AGBL4: variants seen among roughly 807,000 people sequenced by gnomAD.
AGBL4 encodes the protein AGBL carboxypeptidase 4.
AGBL4 carries 58 observed loss-of-function variants against 66.4 expected under a neutral mutation model. That is an observed-to-expected ratio of 0.87 (90% CI 0.71 to 1.09). AGBL4 has a LOEUF of 1.09. AGBL4 is among the 50% of genes least tolerant of loss of function. The pLI is 0.00. For missense variants in AGBL4, 579 were observed against 631.0 expected (o/e 0.92, Z 0.88); for synonymous variants, 234 against 222.9 (o/e 1.05, Z -0.44).
chr1:49,489,117 T>C lies in AGBL4; in HGVS notation c.282+208196A>G, dbSNP rs576838788. Among the ~76,000 whole-genome samples the C allele has an allele frequency of 4.4e-4, 67 of 151,884 alleles. 1 individual carries two copies. The highest frequency in any genetic ancestry group is 4.6e-4 in the Non-Finnish European group (31 of 67,836). The stretch of plus-strand genomic sequence containing the variant: ...TTTTTGAGGAACTTCTAAGCTGTTC[T>C]CTATAGTGTGTACTAATTTACATTC... On this transcript the variant is annotated intron_variant, in intron 3 of 13. Transcript: ENST00000371839.
At chr1:48,868,535 C>T (rs1001040069) in intron 5 of AGBL4, among the ~76,000 whole-genome samples, 8 of 152,128 alleles carry the variant, frequency 5.3e-5, no homozygotes, top group African/African-American at 1.9e-4. Flanking sequence ...AGTTCTGATT[C>T]TGACTCTAGA....
chr1:49,103,074 T>A (rs1202623470), intron 4 of AGBL4, among the ~76,000 whole-genome samples: 1 of 152,222 alleles, frequency 6.6e-6, no homozygotes, highest in Non-Finnish European at 1.5e-5. Context: ...CATAAACCAC[T>A]TCCCTGGTAC....
intron 3 of AGBL4, among the ~76,000 whole-genome samples, chr1:49,679,683 T>G (rs548648901): frequency 1.3e-5 from 2 of 152,292 alleles, no homozygotes; most frequent in South Asian, 2.1e-4. Flanking sequence ...TGAACTTTTC[T>G]TCTTTTTAGA....
rs561400541 is a variant in AGBL4 at position 49,393,811 on chromosome 1, T to C, written c.283-147947A>G. Among the ~76,000 whole-genome samples, 10 of 152,310 alleles carry C rather than the reference T, an allele frequency of 6.6e-5. No homozygotes were observed. In the South Asian group the frequency reaches 1.7e-3, roughly 25 times the overall value. On this transcript the variant is annotated intron_variant, in intron 3 of 13. Transcript: ENST00000371839. ...AGTGCATTGTGATGTAGGGAGAAAG[T>C]TGATGTGGATACATCTATGACAGAG... is the stretch of plus-strand genomic sequence containing the variant.
chr1:49,129,394 T>C (rs888093658), intron 4 of AGBL4, among the ~76,000 whole-genome samples: 17 of 152,016 alleles, frequency 1.1e-4, no homozygotes, highest in African/African-American at 3.6e-4. Context: ...ACATGTGCCA[T>C]GCTGGTGTGC....
chr1:48,934,434 G>A (rs1309668736), intron 5 of AGBL4, among the ~76,000 whole-genome samples: 1 of 152,116 alleles, frequency 6.6e-6, no homozygotes, highest in Non-Finnish European at 1.5e-5. Flanking sequence ...GAAATTGGGA[G>A]GATATATTAC....
At chr1:49,733,843 T>C (rs1649651187) in intron 2 of AGBL4, among the ~76,000 whole-genome samples, 1 of 152,172 alleles carries the variant, frequency 6.6e-6, no homozygotes, top group Admixed American at 6.6e-5. Flanking sequence ...AACTAATAAC[T>C]AATATGCCTC....
intron 9 of AGBL4, among the ~76,000 whole-genome samples, chr1:48,628,344 G>A (rs1645538421): frequency 6.6e-6 from 1 of 152,102 alleles, no homozygotes; most frequent in Non-Finnish European, 1.5e-5. Context: ...TTGCTCCAGC[G>A]TTTTTGAGGA....
intron 5 of AGBL4, among the ~76,000 whole-genome samples, chr1:49,033,979 G>A (rs1664441377): frequency 6.6e-6 from 1 of 151,996 alleles, no homozygotes; most frequent in African/African-American, 2.4e-5. Flanking sequence ...TGATCTGGGA[G>A]CCAAAAGATT....
chr1:49,388,262 C>G (rs1049160500), intron 3 of AGBL4, among the ~76,000 whole-genome samples: 1 of 151,840 alleles, frequency 6.6e-6, no homozygotes, highest in Non-Finnish European at 1.5e-5. Flanking sequence ...GCTTATAGGC[C>G]ATAGAGTGTC....
At chr1:48,988,614 G>C (rs1660364295) in intron 5 of AGBL4, among the ~76,000 whole-genome samples, 1 of 152,168 alleles carries the variant, frequency 6.6e-6, no homozygotes, top group African/African-American at 2.4e-5. Flanking sequence ...CTACCAACCT[G>C]TTGGTCAATA....
At chr1:49,993,730 A>T (rs952018623) in intron 1 of AGBL4, among the ~76,000 whole-genome samples, 1 of 152,172 alleles carries the variant, frequency 6.6e-6, no homozygotes, top group South Asian at 2.1e-4. Context: ...CTTACATGAG[A>T]CCAGCAGTAA....
At chr1:49,111,525 T>C (rs946174686) in intron 4 of AGBL4, among the ~76,000 whole-genome samples, 2 of 152,352 alleles carry the variant, frequency 1.3e-5, no homozygotes, top group East Asian at 1.9e-4. Context: ...AAATATTCAA[T>C]CTTCAGATTA....
chr1:48,721,697 C>T (rs1479398144), intron 6 of AGBL4, among the ~76,000 whole-genome samples: 1 of 152,174 alleles, frequency 6.6e-6, no homozygotes, highest in African/African-American at 2.4e-5. Context: ...TAGGCAGTGG[C>T]CAAGGCCTGG....
Position 49,653,694 on chromosome 1 carries a change from C to G in AGBL4, c.282+43619G>C, listed in dbSNP as rs533951983. 1.4e-4 allele frequency among the ~76,000 whole-genome samples: 21 copies of G among 150,662 alleles called. No homozygotes were observed. The East Asian group carries it at 4.0e-3, about 29-fold the overall frequency. Reference sequence around the variant, plus strand: ...CAATGCAAACACAAGTATCAACAGCCAAATAGACCAAGCAGAAGAAAGGAT... The same window carrying G: ...CAATGCAAACACAAGTATCAACAGCGAAATAGACCAAGCAGAAGAAAGGAT... On this transcript the variant is annotated intron_variant, in intron 3 of 13. Transcript: ENST00000371839.
intron 3 of AGBL4, among the ~76,000 whole-genome samples, chr1:49,520,455 TTGATA>T (rs1558017401): frequency 6.6e-6 from 1 of 152,094 alleles, no homozygotes; most frequent in Non-Finnish European, 1.5e-5. Flanking sequence ...ATTTTAATGT[TTGATA>T]TGATGAGAGT....
chr1:48,897,495 A>G (rs1390568790), intron 5 of AGBL4, among the ~76,000 whole-genome samples: 2 of 152,194 alleles, frequency 1.3e-5, no homozygotes, highest in East Asian at 3.8e-4. Flanking sequence ...ATACGTATTC[A>G]GTAGTGGAAT....
At chr1:48,863,496 CA>C (rs1056004558) in intron 6 of AGBL4, among the ~76,000 whole-genome samples, 45 of 152,034 alleles carry the variant, frequency 3.0e-4, no homozygotes, top group African/African-American at 9.9e-4. Context: ...TTGTTGCTTT[CA>C]AAAGATAAGC....
chr1:48,530,424 A>G (rs74075885), downstream of AGBL4, among the ~76,000 whole-genome samples: 786 of 152,318 alleles, frequency 5.2e-3, 8 homozygotes, highest in African/African-American at 0.018. Context: ...TGTTCTTACT[A>G]TGTAGAAAAA....
Sources: allele counts gnomAD v4.1 joint callset (sites outside exome capture counted in the v4.1 genomes callset), GRCh38; gene constraint gnomAD v4.1.1; transcripts MANE v1.5; gene names NCBI Gene and HGNC (gene_info 2026-07-23, HGNC 2026-07-21).